The following BICRAL variants were observed in gnomAD, a reference collection of about 807,000 sequenced individuals.
The protein encoded by BICRAL is BRD4-interacting chromatin-remodeling complex-associated protein-like.
Under a neutral mutation model 91.8 loss-of-function variants are expected in BICRAL, and 8 were observed. The ratio of observed to expected loss-of-function variants is 0.09; its 90% CI spans 0.05 to 0.16. BICRAL has a LOEUF of 0.16. Among genes scored for constraint, BICRAL ranks in the 10% least tolerant of loss-of-function variants. The pLI is 1.00. For synonymous variants in BICRAL, 445 were observed against 491.1 expected (o/e 0.91, Z 1.24); for missense variants, 1,038 against 1,310.9 (o/e 0.79, Z 3.21).
At chr6:42,758,369 C>T (rs961857023) in intron 1 of BICRAL, among the ~76,000 whole-genome samples, 3 of 152,170 alleles carry the variant, frequency 2.0e-5, no homozygotes, top group Non-Finnish European at 4.4e-5. Context: ...ATCTGGCCCG[C>T]GGTGTACCTC....
chr6:42,785,519 C>T (rs1454707924), intron 1 of BICRAL, among the ~76,000 whole-genome samples: 1 of 148,206 alleles, frequency 6.7e-6, no homozygotes. Context: ...CGAGACCCCA[C>T]CATTGCACTC....
chr6:42,762,613 A>G (rs1470584454), intron 1 of BICRAL, among the ~76,000 whole-genome samples: 2 of 152,224 alleles, frequency 1.3e-5, no homozygotes, highest in African/African-American at 2.4e-5. Context: ...TTTACACCCC[A>G]TAATCCCAGT....
At position 42,845,204 on chromosome 6, in the gene BICRAL, T is replaced by G. The variant is rs1307912909; in HGVS notation, c.1840-6888T>G. On this transcript the variant is annotated intron_variant, in intron 6 of 12. Coordinates refer to ENST00000314073, the MANE Select transcript of BICRAL (RefSeq NM_001393499.1). ...TTTTTGTTTTTTGGGTGTTTTTTTT[T>G]TTTTTTTTTTTTTTTTTTTTTTTTT... 5.5e-3 allele frequency among the ~76,000 whole-genome samples: 140 copies of G among 25,418 alleles called. 20 individuals are homozygous for G. Among genetic ancestry groups the G allele is most frequent in the South Asian group, 8.8e-3 (6 of 680 alleles). 16.7% of individuals were successfully genotyped at this position (25,418 alleles called of 152,430 possible). A position where few individuals can be genotyped will look rare whatever the true frequency, so the allele number is the denominator to read the frequency against.
chr6:42,806,130 G>A (rs1003000279), intron 1 of BICRAL, among the ~76,000 whole-genome samples: 2 of 152,190 alleles, frequency 1.3e-5, no homozygotes, highest in Non-Finnish European at 2.9e-5. Context: ...CTTTCCTTCA[G>A]TCAGGTTGCC....
chr6:42,822,487 G>A (rs1178193974), intron 3 of BICRAL, among the ~76,000 whole-genome samples: 1 of 149,848 alleles, frequency 6.7e-6, no homozygotes, highest in East Asian at 1.9e-4. Flanking sequence ...AGACTGAAGT[G>A]ATCCTCCTGC....
At chr6:42,779,222 A>AC (rs1241108705), upstream of BICRAL, among the ~76,000 whole-genome samples, 20 of 100,776 alleles carry the variant, frequency 2.0e-4, no homozygotes, top group Non-Finnish European at 7.6e-5. Context: ...GTCTCAAGAA[A>AC]AACACACACA....
intron 6 of BICRAL, among the ~76,000 whole-genome samples, chr6:42,842,170 T>C (rs1359789844): frequency 1.3e-5 from 2 of 152,214 alleles, no homozygotes; most frequent in Non-Finnish European, 2.9e-5. Context: ...ACATAAATTC[T>C]GACTTAAATA....
chr6:42,788,926 T>G (rs953249743), intron 1 of BICRAL, among the ~76,000 whole-genome samples: 16 of 152,044 alleles, frequency 1.1e-4, no homozygotes, highest in Admixed American at 2.6e-4. Flanking sequence ...TCAGCTGTTA[T>G]GAGGGCAGCG....
chr6:42,863,956 G>A (rs1329277099), intron 12 of BICRAL, among the ~76,000 whole-genome samples: 1 of 152,086 alleles, frequency 6.6e-6, no homozygotes, highest in Non-Finnish European at 1.5e-5. Context: ...CTGAGGTCAG[G>A]AGTTCGAGAC....
intron 1 of BICRAL, among the ~76,000 whole-genome samples, chr6:42,785,447 G>C (rs1285491286): frequency 6.6e-6 from 1 of 151,648 alleles, no homozygotes; most frequent in East Asian, 2.0e-4. Context: ...TGTAATCCCA[G>C]CTACTTGGGA....
intron 1 of BICRAL, among the ~76,000 whole-genome samples, chr6:42,803,757 G>A (rs185090381): frequency 9.9e-4 from 151 of 152,294 alleles, no homozygotes; most frequent in Admixed American, 2.0e-3. Context: ...AGGAGGATAC[G>A]TTCTGAGAAA....
intron 1 of BICRAL, among the ~76,000 whole-genome samples, chr6:42,807,400 GT>G (rs1682511065): frequency 6.6e-6 from 1 of 151,312 alleles, no homozygotes; most frequent in Non-Finnish European, 1.5e-5. Context: ...AGCCAGGATG[GT>G]CTCGATCTCC....
chr6:42,858,289 G>A (rs1432539523), intron 10 of BICRAL, among the ~76,000 whole-genome samples: 1 of 150,732 alleles, frequency 6.6e-6, no homozygotes, highest in Admixed American at 6.7e-5. Context: ...GCTGAGGCAG[G>A]CCGATCACCT....
At chr6:42,850,361 A>C (rs1765139336) in intron 6 of BICRAL, among the ~76,000 whole-genome samples, 1 of 152,032 alleles carries the variant, frequency 6.6e-6, no homozygotes, top group Non-Finnish European at 1.5e-5. Context: ...CTCTACTAAA[A>C]ATACAAAAAT....
chr6:42,830,317 A>C, intron 6 of BICRAL, 145 bp downstream of exon 6: 1 of 795,408 alleles, frequency 1.3e-6, no homozygotes, highest in Non-Finnish European at 2.0e-6. Context: ...TGTAATCCCA[A>C]CACTTTGGGA....
chr6:42,811,128 A>G (rs2113917288), intron 2 of BICRAL, among the ~76,000 whole-genome samples: 1 of 152,328 alleles, frequency 6.6e-6, no homozygotes, highest in South Asian at 2.1e-4. Flanking sequence ...GACACAATAT[A>G]TGAAATAATG....
intron 6 of BICRAL, among the ~76,000 whole-genome samples, chr6:42,844,853 A>G (rs190441202): frequency 6.6e-6 from 1 of 152,302 alleles, no homozygotes; most frequent in East Asian, 1.9e-4. Context: ...AAGGAGAAAG[A>G]CATTCATTCT....
At chr6:42,826,607 A>G (rs1406147360) in intron 5 of BICRAL, among the ~76,000 whole-genome samples, 1 of 151,894 alleles carries the variant, frequency 6.6e-6, no homozygotes, top group Non-Finnish European at 1.5e-5. Flanking sequence ...CTGCCTGGAG[A>G]CTATATCGAG....
At chr6:42,857,600 TAAAA>T (rs748078737) in intron 10 of BICRAL, among the ~76,000 whole-genome samples, 5,819 of 101,264 alleles carry the variant, frequency 0.057, 666 homozygotes, top group African/African-American at 0.21. Flanking sequence ...CACTGTCTCT[TAAAA>T]AAAAAAAAAA....
Sources: gnomAD v4.1 joint callset for allele counts (sites outside exome capture counted in the v4.1 genomes callset) on GRCh38, gnomAD v4.1.1 for gene constraint, MANE v1.5 for transcripts, NCBI Gene and HGNC (gene_info 2026-07-23, HGNC 2026-07-21) for gene names.